CMTR1: variants seen among roughly 807,000 people sequenced by gnomAD.
The protein encoded by CMTR1 is cap-specific mRNA (nucleoside-2'-O-)-methyltransferase 1.
Under a neutral mutation model 107.0 loss-of-function variants are expected in CMTR1, and 39 were observed. The observed-to-expected ratio is 0.36, with a 90% CI of 0.28 to 0.48. The LOEUF (loss-of-function observed/expected upper bound fraction) is 0.48. Ranked by LOEUF, CMTR1 falls within the 20% of genes least tolerant of loss-of-function variation. The pLI is 0.99. For synonymous variants in CMTR1, 366 were observed against 379.5 expected, an observed-to-expected ratio of 0.96 and a Z score of 0.41; for missense variants, 672 against 1,064.9, an observed-to-expected ratio of 0.63 and a Z score of 5.14.
chr6:37,478,936 G>A (rs549464779), intron 22 of CMTR1, among the ~76,000 whole-genome samples: 1 of 152,190 alleles, frequency 6.6e-6, no homozygotes, highest in Non-Finnish European at 1.5e-5. Flanking sequence ...TGGCAGGACT[G>A]GGGTGGGGTC....
intron 5 of CMTR1, among the ~76,000 whole-genome samples, chr6:37,450,810 C>T (rs184604718): frequency 6.6e-6 from 1 of 152,294 alleles, no homozygotes; most frequent in East Asian, 1.9e-4. Flanking sequence ...TATGTGCTCC[C>T]GGGGATCTCT....
At chr6:37,459,823 A>G (rs770821888) in intron 10 of CMTR1, 139 bp downstream of exon 10, 24 of 699,074 alleles carry the variant, frequency 3.4e-5, no homozygotes, top group Admixed American at 6.8e-5. Context: ...ATGCATTTTT[A>G]TTCTTTTTAT....
intron 23 of CMTR1, among the ~76,000 whole-genome samples, chr6:37,479,481 G>A (rs1761812048): frequency 6.6e-6 from 1 of 152,358 alleles, no homozygotes; most frequent in South Asian, 2.1e-4. Flanking sequence ...ACCTGCTAAT[G>A]GTTACGGGCC....
intron 3 of CMTR1, among the ~76,000 whole-genome samples, chr6:37,445,336 G>C (rs1771759777): frequency 6.6e-6 from 1 of 152,096 alleles, no homozygotes; most frequent in South Asian, 2.1e-4. Flanking sequence ...TATTAGGCAG[G>C]AGTCTGTGGG....
the CMTR1 span, among the ~76,000 whole-genome samples, chr6:37,427,878 T>C: frequency 2.0e-5 from 3 of 152,222 alleles, no homozygotes; most frequent in East Asian, 5.8e-4. This position sits in a 1 kb window ranked among gnomAD's most constrained non-coding sequence, Gnocchi z 4.4. Context: ...TGTTCTTTTC[T>C]TTCTGGACTT....
At chr6:37,479,315 C>A in intron 23 of CMTR1, 60 bp downstream of exon 23, 1 of 1,213,352 alleles carries the variant, frequency 8.2e-7, no homozygotes, top group Non-Finnish European at 1.2e-6. Context: ...CTGCAGGATG[C>A]CAGCCAGCTG....
In CMTR1 at chr6:37,478,524, G is replaced by T; in HGVS notation, c.2266+3G>T. 1 of 1,607,952 alleles carries T rather than the reference G, an allele frequency of 6.2e-7. No individual in the cohort carries two copies. Among genetic ancestry groups the T allele is most frequent in the East Asian group, 2.2e-5 (1 of 44,824 alleles). ...CTACATCGTCAGGACAGTGAATGGT[G>T]GGTGAGGAGGGACTGTTCCCGCCAT... On this transcript the variant is annotated splice_donor_region_variant and intron_variant, in intron 22 of 23. Transcript: ENST00000373451.
In CMTR1 at chr6:37,462,811, C is replaced by CA. The variant is rs1761428541; in HGVS notation, c.1326-17dup. The CA allele has an allele frequency of 6.2e-7, 1 of 1,610,586 alleles. No homozygotes were observed. Among genetic ancestry groups the CA allele is most frequent in the South Asian group, 1.1e-5 (1 of 90,926 alleles). ...AGGAAGCCCTTGCTCGGTGGAGTGA[C>CA]AGAGTATCTTCTGCCAGGTATGTGG... On this transcript the variant is annotated splice_polypyrimidine_tract_variant and intron_variant, in intron 12 of 23. Coordinates refer to ENST00000373451, the MANE Select transcript of CMTR1 (RefSeq NM_015050.3).
At position 37,444,161 on chromosome 6, in the gene CMTR1, G is replaced by T; in HGVS notation, c.285+11G>T. ...TCCCAGAAGCTTATGGTATGTCAGCGCTTGGGTTGGGTTTCTCAAGCCCCA... is the reference window on the plus strand; with the variant it reads ...TCCCAGAAGCTTATGGTATGTCAGCTCTTGGGTTGGGTTTCTCAAGCCCCA... On this transcript the variant is annotated intron_variant, in intron 3 of 23. Transcript: ENST00000373451. 2 of 1,612,502 alleles carry T rather than the reference G, an allele frequency of 1.2e-6. No homozygotes were observed. Among genetic ancestry groups the T allele is most frequent in the Non-Finnish European group, 1.7e-6 (2 of 1,179,340 alleles).
chr6:37,471,004 A>ATT lies in CMTR1; in HGVS notation c.1506-9_1506-8dup. On this transcript the variant is annotated splice_polypyrimidine_tract_variant and intron_variant, in intron 13 of 23. Transcript: ENST00000373451. ...TTTTTGGTAATCCTGAGATCAAATA[A>ATT]TTTTTTTTTCTTCTAGCCACTGTAG... 1.3e-6 allele frequency: 2 copies of ATT among 1,579,982 alleles called. No individual in the cohort carries two copies. The highest frequency in any genetic ancestry group is 1.2e-5 in the South Asian group (1 of 86,264).
chr6:37,444,049 C>T lies in CMTR1; in HGVS notation c.184C>T (p.His62Tyr). 6.2e-7 allele frequency: 1 copy of T among 1,614,156 alleles called. No homozygotes were observed. The highest frequency in any genetic ancestry group is 8.5e-7 in the Non-Finnish European group (1 of 1,180,020). The change falls in exon 3 of 24, where the codon CAC becomes TAC. Residue 62 changes from histidine to tyrosine, a missense_variant. Transcript: ENST00000373451. ...TGATAGTGAGACCGAGGGGAAACAACACAGCTCTGACTCTTTTGACGATGC... is the reference window on the plus strand; with the variant it reads ...TGATAGTGAGACCGAGGGGAAACAATACAGCTCTGACTCTTTTGACGATGC... ...GSDSETEGKQHSSDSFDDAFK... is the reference protein window; with the variant it reads ...GSDSETEGKQYSSDSFDDAFK...
chr6:37,439,055 A>G (rs1771607558), intron 2 of CMTR1, among the ~76,000 whole-genome samples: 1 of 152,158 alleles, frequency 6.6e-6, no homozygotes, highest in Non-Finnish European at 1.5e-5. Flanking sequence ...TGCTAAATCA[A>G]TGTAATGACT....
chr6:37,463,112 A>T (rs1761435731), intron 13 of CMTR1, 104 bp downstream of exon 13: 1 of 1,217,736 alleles, frequency 8.2e-7, no homozygotes, highest in African/African-American at 1.5e-5. Context: ...GTCAACCCTG[A>T]CAAATTGGCA....
At chr6:37,450,714 A>G (rs1277561308) in intron 5 of CMTR1, among the ~76,000 whole-genome samples, 1 of 152,202 alleles carries the variant, frequency 6.6e-6, no homozygotes, top group Non-Finnish European at 1.5e-5. Context: ...TACAGAGGGA[A>G]TTTGTTTAAT....
chr6:37,428,070 A>G, the CMTR1 span, among the ~76,000 whole-genome samples: 1 of 136,796 alleles, frequency 7.3e-6, no homozygotes, highest in Non-Finnish European at 1.6e-5. Flanking sequence ...GAAACTCTCT[A>G]AAAAAGACGC....
chr6:37,433,020 C>G (rs1228465918), upstream of CMTR1, among the ~76,000 whole-genome samples: 1 of 152,282 alleles, frequency 6.6e-6, no homozygotes, highest in Non-Finnish European at 1.5e-5. Flanking sequence ...ATTGGTTTCT[C>G]TTCCTCAGAG....
intron 19 of CMTR1, chr6:37,475,806 G>T (rs1761725027): frequency 2.1e-6 from 1 of 478,754 alleles, no homozygotes; most frequent in Non-Finnish European, 3.8e-6. Context: ...ATGCTTTGGG[G>T]TGACAGGGCA....
At chr6:37,469,500 T>C (rs2113888679) in intron 13 of CMTR1, among the ~76,000 whole-genome samples, 1 of 151,518 alleles carries the variant, frequency 6.6e-6, no homozygotes, top group African/African-American at 2.4e-5. Flanking sequence ...GGCCATTAGT[T>C]TGTCAATATG....
rs1272501424 is a variant in CMTR1, at chr6:37,475,426, C to T, written c.2036+14C>T. ...CTTTAACCAGCGGTCTGACCTGGGC[C>T]CCAGGGTAGGGAGGGTGGGGGTAGG... On this transcript the variant is annotated intron_variant, in intron 19 of 23. Coordinates refer to ENST00000373451, the MANE Select transcript of CMTR1 (RefSeq NM_015050.3). 2.5e-6 allele frequency: 4 copies of T among 1,608,704 alleles called. No individual in the cohort carries two copies. Among genetic ancestry groups the T allele is most frequent in the Non-Finnish European group, 3.4e-6 (4 of 1,175,854 alleles).
Sources: gnomAD v4.1 joint callset for allele counts (sites outside exome capture counted in the v4.1 genomes callset) on GRCh38, gnomAD v4.1.1 for gene constraint, Gnocchi (gnomAD v3.1) non-coding constraint, MANE v1.5 for transcripts, NCBI Gene and HGNC (gene_info 2026-07-23, HGNC 2026-07-21) for gene names.